DENND4C: variants seen among roughly 807,000 people sequenced by gnomAD.
DENND4C encodes the protein DENN domain-containing protein 4C.
Under a neutral mutation model 203.0 loss-of-function variants are expected in DENND4C, and 108 were observed. The ratio of observed to expected loss-of-function variants is 0.53; its 90% CI spans 0.46 to 0.62. The LOEUF (loss-of-function observed/expected upper bound fraction) is 0.62, where lower values mean the gene tolerates loss of function less well. Among genes scored for constraint, DENND4C ranks in the 20% least tolerant of loss-of-function variants. DENND4C has a pLI of 0.00. For missense variants in DENND4C, 2,481 were observed against 2,301.2 expected (o/e 1.08, Z -1.60); for synonymous variants, 871 against 792.4 (o/e 1.10, Z -1.67).
At chr9:19,261,200 A>G (rs1282736439) in intron 1 of DENND4C, among the ~76,000 whole-genome samples, 1 of 151,870 alleles carries the variant, frequency 6.6e-6, no homozygotes, top group Non-Finnish European at 1.5e-5. Context: ...TGGGTTCTCT[A>G]TTGTGTTCCA....
At chr9:19,260,696 C>T (rs1254912387) in intron 1 of DENND4C, among the ~76,000 whole-genome samples, 1 of 152,174 alleles carries the variant, frequency 6.6e-6, no homozygotes, top group Non-Finnish European at 1.5e-5. Context: ...CATGCTCGGC[C>T]TATGTTCTGG....
chr9:19,273,436 A>G (rs994920517), intron 1 of DENND4C, among the ~76,000 whole-genome samples: 1 of 152,008 alleles, frequency 6.6e-6, no homozygotes, highest in Non-Finnish European at 1.5e-5. Flanking sequence ...GAATAGGTTA[A>G]TAAATTGGAG....
chr9:19,317,288 G>A (rs1331163733), intron 12 of DENND4C, among the ~76,000 whole-genome samples: 2 of 151,368 alleles, frequency 1.3e-5, no homozygotes, highest in African/African-American at 4.9e-5. Flanking sequence ...CCAAAATGCT[G>A]GGATTACAGG....
chr9:19,253,423 A>G (rs1827145829), intron 1 of DENND4C, among the ~76,000 whole-genome samples: 1 of 152,230 alleles, frequency 6.6e-6, no homozygotes, highest in African/African-American at 2.4e-5. Flanking sequence ...GAATTAAACT[A>G]ACTGCCTTGT....
At position 19,346,900 on chromosome 9, in the gene DENND4C, A is replaced by T; in HGVS notation, c.4131A>T (p.Ala1377=). ...AAGAACGTTCAACTTCTTTGTCAGC[A>T]CTGGTGCGTTCTTCGCCACATGGCT... is the stretch of plus-strand genomic sequence containing the variant. ...THKERSTSLS[A]LVRSSPHGSL... Residue 1377 remains alanine, a synonymous_variant, in exon 23 of 33, where the codon GCA becomes GCT. Coordinates refer to ENST00000434457, the MANE Select transcript of DENND4C (RefSeq NM_001330640.2). 6.2e-7 allele frequency: 1 copy of T among 1,614,198 alleles called. No individual in the cohort carries two copies. The highest frequency in any genetic ancestry group is 1.1e-5 in the South Asian group (1 of 91,086).
In DENND4C at chr9:19,265,928, G is replaced by T. The variant is rs1027983982; in HGVS notation, c.-17-10230G>T. Among the ~76,000 whole-genome samples, 22 of 152,302 alleles carry T rather than the reference G, an allele frequency of 1.4e-4. 2 individuals carry two copies. Among genetic ancestry groups the T allele is most frequent in the Admixed American group, 4.6e-4 (7 of 15,300 alleles). The stretch of plus-strand genomic sequence containing the variant: ...ACAGTAAACATATGTGTGCATGTGT[G>T]TCTTTATAGCAGCATGATTTTTAAT... On this transcript the variant is annotated intron_variant, in intron 1 of 32. Transcript: ENST00000434457.
At chr9:19,288,776 T>C in intron 4 of DENND4C, 111 bp downstream of exon 4, 1 of 511,638 alleles carries the variant, frequency 2.0e-6, no homozygotes, top group Non-Finnish European at 3.0e-6. Flanking sequence ...AATTGATCTA[T>C]TCATAAAATT....
At chr9:19,247,774 T>C (rs1825642920) in intron 1 of DENND4C, among the ~76,000 whole-genome samples, 1 of 152,238 alleles carries the variant, frequency 6.6e-6, no homozygotes, top group Non-Finnish European at 1.5e-5. Flanking sequence ...TATTGGTTTA[T>C]TTCCTCAAAC....
chr9:19,308,340 G>A (rs940524377), intron 10 of DENND4C, among the ~76,000 whole-genome samples: 2 of 152,146 alleles, frequency 1.3e-5, no homozygotes, highest in African/African-American at 4.8e-5. Flanking sequence ...GCCAACACTT[G>A]TGGTGACTTT....
At chr9:19,267,426 C>A (rs1362864691) in intron 1 of DENND4C, among the ~76,000 whole-genome samples, 1 of 152,182 alleles carries the variant, frequency 6.6e-6, no homozygotes, top group East Asian at 1.9e-4. Context: ...ATACCTACTC[C>A]TGCTCTTTCA....
chr9:19,360,277 G>T lies in DENND4C; in HGVS notation c.5194G>T (p.Val1732Phe). The T allele has an allele frequency of 1.2e-6, 2 of 1,613,458 alleles. No individual in the cohort carries two copies. Among genetic ancestry groups the T allele is most frequent in the Non-Finnish European group, 1.7e-6 (2 of 1,179,796 alleles). Residue 1732 changes from valine to phenylalanine, a missense_variant, in exon 29 of 33, where the codon GTT becomes TTT. Physicochemically the swap from Val to Phe is conservative, Grantham distance 50 (BLOSUM62 -1). Around this residue, in one of 3 missense-constraint regions of DENND4C, gnomAD observed 2,289 missense variants for 2,113.3 expected, o/e 1.08. Transcript: ENST00000434457. ...PLGKRPNPPP[V>F]SVPYLSPLVL... ...AGGAAAAAGACCCAATCCTCCCCCT[G>T]TTTCTGTGCCCTACTTGAGTCCTCT...
chr9:19,312,298 TCA>T (rs1397845727), intron 10 of DENND4C, among the ~76,000 whole-genome samples: 1 of 152,124 alleles, frequency 6.6e-6, no homozygotes, highest in Non-Finnish European at 1.5e-5. Context: ...AGATGGGGTT[TCA>T]CCATGTTGGC....
chr9:19,282,811 G>A (rs1834386341), intron 2 of DENND4C, among the ~76,000 whole-genome samples: 2 of 137,078 alleles, frequency 1.5e-5, no homozygotes, highest in East Asian at 4.6e-4. Context: ...CTGCTTCCTG[G>A]GTTCAGGTGA....
At chr9:19,366,319 C>T (rs536058553) in intron 30 of DENND4C, among the ~76,000 whole-genome samples, 45 of 152,222 alleles carry the variant, frequency 3.0e-4, no homozygotes, top group East Asian at 9.7e-4. Flanking sequence ...ATAGTCTTTT[C>T]GGCCGGGTGC....
intron 13 of DENND4C, among the ~76,000 whole-genome samples, chr9:19,325,211 T>A (rs555238603): frequency 6.6e-6 from 1 of 152,254 alleles, no homozygotes; most frequent in South Asian, 2.1e-4. Flanking sequence ...TGTTTTAATG[T>A]CTTTCCAGAT....
At position 19,326,090 on chromosome 9, in the gene DENND4C, C is replaced by G. The variant is rs537990359; in HGVS notation, c.2016C>G (p.Thr672=). The G allele has an allele frequency of 2.2e-5, 35 of 1,611,268 alleles. No homozygotes were observed. The highest frequency in any genetic ancestry group is 2.8e-5 in the Non-Finnish European group (33 of 1,179,224). ...DKVDFDSAED[T]RLIELDDSQK... Reference sequence around the variant, plus strand: ...TTGATTTTGATTCAGCAGAAGATACCAGATTGATAGAACTAGATGATTCAC... The same window carrying G: ...TTGATTTTGATTCAGCAGAAGATACGAGATTGATAGAACTAGATGATTCAC... The change falls in exon 15 of 33, where the codon ACC becomes ACG. Residue 672 remains threonine, a synonymous_variant. Transcript: ENST00000434457.
In DENND4C at chr9:19,296,064, G is replaced by T. The variant is rs377299389; in HGVS notation, c.858G>T (p.Glu286Asp). 1 of 1,614,098 alleles carries T rather than the reference G, an allele frequency of 6.2e-7. No homozygotes were observed. Among genetic ancestry groups the T allele is most frequent in the Non-Finnish European group, 8.5e-7 (1 of 1,180,010 alleles). Residue 286 changes from glutamate to aspartate, a missense_variant, in exon 6 of 33, where the codon GAG (glutamate) becomes GAT (aspartate). By Grantham distance (45) the Glu-to-Asp change is conservative (BLOSUM62 2). This residue lies in a region of DENND4C where 2,289 missense variants were observed against 2,113.3 expected (regional missense o/e 1.08). Coordinates refer to ENST00000434457, the MANE Select transcript of DENND4C (RefSeq NM_001330640.2). ...YEPYSRELLS[E>D]KQLMHLGLLT... is the part of the protein sequence containing the mutation. Reference sequence around the variant, plus strand: ...CTTACTCTCGGGAACTTCTATCAGAGAAACAGCTTATGCACCTGGGCTTGT... The same window carrying T: ...CTTACTCTCGGGAACTTCTATCAGATAAACAGCTTATGCACCTGGGCTTGT...
At chr9:19,271,368 G>A (rs546339349) in intron 1 of DENND4C, among the ~76,000 whole-genome samples, 354 of 151,820 alleles carry the variant, frequency 2.3e-3, no homozygotes, top group Non-Finnish European at 3.7e-3. Context: ...CCCCACTAAT[G>A]TTTTGTATTT....
chr9:19,252,718 C>T (rs1341740816), intron 1 of DENND4C, among the ~76,000 whole-genome samples: 2 of 17,572 alleles, frequency 1.1e-4, no homozygotes, highest in East Asian at 9.1e-4. Flanking sequence ...TGTATACACA[C>T]ACACACACAC....
Sources: gnomAD v4.1 joint callset for allele counts (sites outside exome capture counted in the v4.1 genomes callset) on GRCh38, gnomAD v4.1.1 for gene constraint, gnomAD v4.1.1 regional missense constraint, MANE v1.5 for transcripts, NCBI Gene and HGNC (gene_info 2026-07-23, HGNC 2026-07-21) for gene names.